Variants in MACROD1 observed in about 807,000 individuals in gnomAD.
MACROD1 encodes mono-ADP ribosylhydrolase 1, also known as ADP-ribose glycohydrolase MACROD1.
In MACROD1, 31 loss-of-function variants were observed where a neutral mutation model predicts 41.4. The observed-to-expected ratio is 0.75, with a 90% CI of 0.56 to 1.01. The LOEUF (loss-of-function observed/expected upper bound fraction) is 1.01. Ranked by LOEUF, MACROD1 falls within the 50% of genes least tolerant of loss-of-function variation. The probability of loss-of-function intolerance (pLI) is 0.00; values close to 1 mark genes in which losing one functional copy is unlikely to be tolerated. For synonymous variants in MACROD1, 252 were observed against 203.4 expected (o/e 1.24, Z -2.03); for missense variants, 473 against 460.0 (o/e 1.03, Z -0.26).
intron 1 of MACROD1, 130 bp downstream of exon 1, chr11:64,165,567 G>T: frequency 2.5e-6 from 2 of 785,676 alleles, no homozygotes; most frequent in Non-Finnish European, 3.7e-6. Context: ...GTCCGTTCCA[G>T]GGCAGATGGG....
chr11:64,017,994 C>T (rs937435713), intron 3 of MACROD1, among the ~76,000 whole-genome samples: 34 of 152,210 alleles, frequency 2.2e-4, no homozygotes, highest in African/African-American at 6.5e-4. Flanking sequence ...GTGTGGCCTG[C>T]ACTGCACCCG....
intron 3 of MACROD1, among the ~76,000 whole-genome samples, chr11:64,057,764 C>T (rs1206581929): frequency 2.6e-5 from 4 of 152,258 alleles, no homozygotes; most frequent in Admixed American, 6.5e-5. Context: ...AGGAAGGGGA[C>T]AGCCACTTGT....
chr11:64,076,984 G>A (rs1043251045), intron 3 of MACROD1, among the ~76,000 whole-genome samples: 1 of 152,146 alleles, frequency 6.6e-6, no homozygotes, highest in Non-Finnish European at 1.5e-5. Context: ...ATAGGGCTGA[G>A]TGACGGATGG....
intron 3 of MACROD1, among the ~76,000 whole-genome samples, chr11:64,052,665 C>T (rs1269848244): frequency 6.6e-5 from 10 of 152,172 alleles, no homozygotes. Context: ...ACCTGGGCAT[C>T]CCTGATAGTG....
chr11:64,119,648 C>A (rs776640498), intron 3 of MACROD1, among the ~76,000 whole-genome samples: 6 of 152,104 alleles, frequency 3.9e-5, no homozygotes, highest in Non-Finnish European at 7.4e-5. Context: ...GTAGAAAACT[C>A]AGCTGGGCCC....
At chr11:64,130,411 G>T (rs1402608798) in intron 3 of MACROD1, among the ~76,000 whole-genome samples, 1 of 152,132 alleles carries the variant, frequency 6.6e-6, no homozygotes, top group Non-Finnish European at 1.5e-5. Flanking sequence ...GCTACCACTG[G>T]GTTCTGGAAG....
intron 3 of MACROD1, among the ~76,000 whole-genome samples, chr11:64,123,538 T>G (rs11231700): frequency 0.44 from 11,795 of 26,830 alleles, 1,493 homozygotes; most frequent in African/African-American, 0.56. Flanking sequence ...ATGGGTGGGG[T>G]GGGGGGGTTG....
chr11:64,040,148 C>T (rs1590825381), intron 3 of MACROD1, among the ~76,000 whole-genome samples: 1 of 152,242 alleles, frequency 6.6e-6, no homozygotes, highest in East Asian at 1.9e-4. Context: ...GCCCTCAGGG[C>T]GCTTCCAGTC....
At chr11:64,008,256 C>A (rs977456713) in intron 4 of MACROD1, among the ~76,000 whole-genome samples, 2 of 151,916 alleles carry the variant, frequency 1.3e-5, no homozygotes, top group African/African-American at 4.8e-5. Flanking sequence ...AGGGAGGTGG[C>A]AAGAGAAAGA....
chr11:64,157,438 G>A (rs925576165), intron 1 of MACROD1, among the ~76,000 whole-genome samples: 7 of 152,162 alleles, frequency 4.6e-5, no homozygotes, highest in African/African-American at 1.7e-4. Context: ...CCTGTAAGAA[G>A]GACAAATGCA....
chr11:64,116,607 T>C, intron 3 of MACROD1: 1 of 1,614,122 alleles, frequency 6.2e-7, no homozygotes, highest in African/African-American at 1.3e-5. Flanking sequence ...CATCTACCTA[T>C]ACGAGAATGA....
chr11:64,099,303 A>G (rs1662640062), intron 3 of MACROD1, among the ~76,000 whole-genome samples: 1 of 152,252 alleles, frequency 6.6e-6, no homozygotes, highest in South Asian at 2.1e-4. Context: ...TAGCCCTCTG[A>G]AAACCAATGC....
At chr11:63,999,984 G>GACCC in intron 5 of MACROD1, 1 of 658,374 alleles carries the variant, frequency 1.5e-6, no homozygotes. Flanking sequence ...GCCCGGCTGA[G>GACCC]ACCCGAGCGC....
chr11:64,060,937 C>CGCGGCG (rs544654619), intron 3 of MACROD1, among the ~76,000 whole-genome samples: 48 of 151,422 alleles, frequency 3.2e-4, no homozygotes, highest in African/African-American at 1.1e-3. Flanking sequence ...GCATGCGCAC[C>CGCGGCG]GCGGCGGCGG....
intron 3 of MACROD1, chr11:64,148,648 C>T (rs1945530156): frequency 1.3e-6 from 1 of 772,950 alleles, no homozygotes; most frequent in South Asian, 5.9e-5. Context: ...ATTTAATGGA[C>T]ACGTATTCTC....
At chr11:64,027,735 G>T (rs1235547851) in intron 3 of MACROD1, among the ~76,000 whole-genome samples, 3 of 152,090 alleles carry the variant, frequency 2.0e-5, no homozygotes, top group African/African-American at 7.2e-5. Context: ...GACGCTGCCT[G>T]TAAGCACTAC....
intron 1 of MACROD1, among the ~76,000 whole-genome samples, chr11:64,154,012 C>G (rs1945626083): frequency 6.6e-6 from 1 of 152,140 alleles, no homozygotes; most frequent in Non-Finnish European, 1.5e-5. Context: ...TCCACCCAGT[C>G]TGGTCCCTCC....
chr11:64,038,146 C>G (rs1168964955), intron 3 of MACROD1, among the ~76,000 whole-genome samples: 2 of 152,158 alleles, frequency 1.3e-5, no homozygotes, highest in Non-Finnish European at 2.9e-5. Context: ...GGGAGGTCCG[C>G]CCAGCTGTTT....
chr11:64,118,095 T>C (rs1945027409), intron 3 of MACROD1: 1 of 1,611,628 alleles, frequency 6.2e-7, no homozygotes, highest in Non-Finnish European at 8.5e-7. Flanking sequence ...GAAGGATAAC[T>C]CCATCCTGGA....
Sources: gnomAD v4.1 joint callset for allele counts (sites outside exome capture counted in the v4.1 genomes callset) on GRCh38, gnomAD v4.1.1 for gene constraint, MANE v1.5 for transcripts, NCBI Gene and HGNC (gene_info 2026-07-23, HGNC 2026-07-21) for gene names.